The following TFAP2D variants were observed in gnomAD, a reference collection of about 807,000 sequenced individuals.
TFAP2D encodes transcription factor AP-2-delta.
TFAP2D carries 9 observed loss-of-function variants against 43.6 expected under a neutral mutation model. The ratio of observed to expected loss-of-function variants is 0.21; its 90% CI spans 0.12 to 0.36. TFAP2D has a LOEUF of 0.36. TFAP2D is among the 10% of genes least tolerant of loss of function. The pLI, the probability that TFAP2D is intolerant of heterozygous loss-of-function variation, is 1.00. For synonymous variants in TFAP2D, 256 were observed against 224.9 expected (o/e 1.14, Z -1.24); for missense variants, 513 against 561.4 (o/e 0.91, Z 0.87).
intron 5 of TFAP2D, among the ~76,000 whole-genome samples, chr6:50,734,907 C>T (rs2114042221): frequency 6.6e-6 from 1 of 152,080 alleles, no homozygotes; most frequent in Non-Finnish European, 1.5e-5. Flanking sequence ...CACAATAGGC[C>T]CCTCATAGAG....
intron 5 of TFAP2D, among the ~76,000 whole-genome samples, chr6:50,736,063 A>G (rs564266742): frequency 6.6e-6 from 1 of 152,258 alleles, no homozygotes; most frequent in East Asian, 1.9e-4. Flanking sequence ...TATGAAACTA[A>G]AAGTCATATG....
In TFAP2D at chr6:50,719,132, G is replaced by A. The variant is rs761960354; in HGVS notation, c.580G>A (p.Gly194Ser). 1.9e-6 allele frequency: 3 copies of A among 1,613,994 alleles called. No homozygotes were observed. Among genetic ancestry groups the A allele is most frequent in the Admixed American group, 3.3e-5 (2 of 60,020 alleles). Residue 194 changes from glycine to serine, a missense_variant, in exon 3 of 8, where the codon GGT becomes AGT. Transcript: ENST00000008391. ...AQCGLVLNGQ[G>S]GVIRRGGTCV... Reference sequence around the variant, plus strand: ...GTGTGGGCTTGTTCTCAATGGCCAAGGTGGAGTGATAAGAAGAGGTAAGTA... The same window carrying A: ...GTGTGGGCTTGTTCTCAATGGCCAAAGTGGAGTGATAAGAAGAGGTAAGTA...
chr6:50,741,347 T>C (rs1477372982), intron 5 of TFAP2D, among the ~76,000 whole-genome samples: 1 of 152,092 alleles, frequency 6.6e-6, no homozygotes, highest in East Asian at 1.9e-4. Context: ...TAGATAAATT[T>C]GTGTTGTGGG....
At chr6:50,748,626 T>C (rs932236420) in intron 6 of TFAP2D, among the ~76,000 whole-genome samples, 1 of 151,946 alleles carries the variant, frequency 6.6e-6, no homozygotes, top group Non-Finnish European at 1.5e-5. Context: ...AATTTAGACA[T>C]TTATTTAGGC....
chr6:50,729,146 A>G (rs556161406), intron 4 of TFAP2D, 48 bp from the exon 5 acceptor site: 7 of 1,607,952 alleles, frequency 4.4e-6, no homozygotes, highest in Admixed American at 3.4e-5. Context: ...CATAATTTTC[A>G]TCAGAATGTG....
chr6:50,718,373 A>G (rs1190404701), intron 2 of TFAP2D, among the ~76,000 whole-genome samples: 1 of 152,118 alleles, frequency 6.6e-6, no homozygotes, highest in African/African-American at 2.4e-5. Flanking sequence ...GGCCTCTTTC[A>G]TGTCCAATAC....
chr6:50,760,517 T>G (rs1769348719), intron 7 of TFAP2D, among the ~76,000 whole-genome samples: 1 of 152,036 alleles, frequency 6.6e-6, no homozygotes, highest in Non-Finnish European at 1.5e-5. Flanking sequence ...TTGAGAGTGT[T>G]GTCAAGGTTT....
chr6:50,742,573 CATAGATAGATAGATAGATAGATAG>C (rs144051096), intron 5 of TFAP2D, among the ~76,000 whole-genome samples: 14 of 145,382 alleles, frequency 9.6e-5, no homozygotes, highest in Non-Finnish European at 1.5e-4. Context: ...GACAGACACA[CATAGATAGATAGATAGATAGATAG>C]ATAGATAGAT....
At chr6:50,724,513 A>G (rs1032557812) in intron 3 of TFAP2D, among the ~76,000 whole-genome samples, 5 of 152,106 alleles carry the variant, frequency 3.3e-5, no homozygotes. Flanking sequence ...GAAGCCCGCT[A>G]GGAAGTATTG....
intron 7 of TFAP2D, 30 bp downstream of exon 7, chr6:50,751,354 T>C: frequency 1.4e-6 from 2 of 1,459,824 alleles, no homozygotes; most frequent in Non-Finnish European, 1.9e-6. Context: ...TTGCTCAAAT[T>C]CTTTACTAAC....
rs947491386 is a variant in TFAP2D, at chr6:50,715,562, C to T, written c.486C>T (p.Leu162=). 7.5e-6 allele frequency: 12 copies of T among 1,608,240 alleles called. No homozygotes were observed. Among genetic ancestry groups the T allele is most frequent in the African/African-American group, 4.0e-5 (3 of 74,866 alleles). Residue 162 remains leucine (L), a synonymous_variant, in exon 2 of 8, where the codon CTC becomes CTT. Coordinates refer to ENST00000008391, the MANE Select transcript of TFAP2D (RefSeq NM_172238.4). The part of the protein sequence containing the change: ...SQYGMHPDQR[L]LPGPSLGLAA... ...ATGGAATGCACCCAGATCAAAGACT[C>T]CTGCCAGGGCCCAGCCTGGGGCTGG... is the stretch of plus-strand genomic sequence containing the variant.
chr6:50,714,132 C>A, intron 1 of TFAP2D, 38 bp downstream of exon 1: 1 of 1,542,336 alleles, frequency 6.5e-7, no homozygotes. Flanking sequence ...TTTGAGCGCG[C>A]GTGTGTGTGG....
intron 5 of TFAP2D, among the ~76,000 whole-genome samples, chr6:50,731,398 C>G (rs1404700075): frequency 2.6e-5 from 4 of 151,820 alleles, no homozygotes; most frequent in African/African-American, 9.7e-5. Context: ...TCAAAGAGAT[C>G]TTTTGCGCCC....
Position 50,772,686 on chromosome 6 carries a change from C to T in TFAP2D, c.1181C>T (p.Ala394Val), listed in dbSNP as rs1769546546. The T allele has an allele frequency of 1.2e-6, 2 of 1,613,980 alleles. No individual in the cohort carries two copies. The highest frequency in any genetic ancestry group is 1.7e-5 in the Admixed American group (1 of 59,998). ...HGFGTPAICA[A>V]LSTFQTVLSE... ...TTTGGGACTCCGGCAATATGTGCAG[C>T]TCTAAGCACTTTCCAAACAGTTCTC... Residue 394 changes from alanine to valine, a missense_variant, in exon 8 of 8, where the codon GCT becomes GTT. Transcript: ENST00000008391.
At chr6:50,765,080 G>A (rs997031127) in intron 7 of TFAP2D, among the ~76,000 whole-genome samples, 7 of 151,924 alleles carry the variant, frequency 4.6e-5, no homozygotes, top group South Asian at 2.1e-4. Flanking sequence ...GACCAACATC[G>A]CCCCATTTCT....
At chr6:50,724,596 C>T (rs750405986) in intron 3 of TFAP2D, among the ~76,000 whole-genome samples, 1 of 152,058 alleles carries the variant, frequency 6.6e-6, no homozygotes, top group Non-Finnish European at 1.5e-5. Flanking sequence ...GCGCGGAGGC[C>T]GTGAGTATGG....
At chr6:50,729,342 C>G (rs200407708) in intron 5 of TFAP2D, 30 bp downstream of exon 5, 1 of 1,581,870 alleles carries the variant, frequency 6.3e-7, no homozygotes, top group Non-Finnish European at 8.7e-7. Context: ...CAAAATAATG[C>G]TGGAAGGTTG....
At chr6:50,733,217 A>G (rs1192001513) in intron 5 of TFAP2D, among the ~76,000 whole-genome samples, 1 of 152,024 alleles carries the variant, frequency 6.6e-6, no homozygotes, top group Non-Finnish European at 1.5e-5. Context: ...ATGAGATAGA[A>G]ATATTTGAAT....
Position 50,745,267 on chromosome 6 carries a change from CCTCTGTGTG to C in TFAP2D, c.1025+22_1025+30del. 1.2e-6 allele frequency: 2 copies of C among 1,610,426 alleles called. No individual in the cohort carries two copies. The highest frequency in any genetic ancestry group is 1.7e-6 in the Non-Finnish European group (2 of 1,178,990). On this transcript the variant is annotated intron_variant, in intron 6 of 7. Transcript: ENST00000008391. ...CGACCAAGTAAGCAGAATGGGGAAA[CCTCTGTGTG>C]CTTTCATCTTCAGTATTTTTTTTTC... is the stretch of plus-strand genomic sequence containing the variant.
Sources: allele counts gnomAD v4.1 joint callset (sites outside exome capture counted in the v4.1 genomes callset), GRCh38; gene constraint gnomAD v4.1.1; transcripts MANE v1.5; gene names NCBI Gene and HGNC (gene_info 2026-07-23, HGNC 2026-07-21).